BLTP2: variants seen among roughly 807,000 people sequenced by gnomAD.
BLTP2 encodes bridge-like lipid transfer protein family member 2, also known as U937-associated antigen.
chr17:28,629,428 T>C, the BLTP2 span, among the ~76,000 whole-genome samples: 1 of 152,006 alleles, frequency 6.6e-6, no homozygotes, highest in East Asian at 1.9e-4. Context: ...TACCTGGGGA[T>C]TACAGGTATG....
chr17:28,638,651 G>C, the BLTP2 span: 2 of 1,481,184 alleles, frequency 1.4e-6, no homozygotes, highest in African/African-American at 1.4e-5. Flanking sequence ...TTCTGCATAG[G>C]AACAAGACAT....
At chr17:28,623,777 G>A in the BLTP2 span, 23 of 1,613,944 alleles carry the variant, frequency 1.4e-5, no homozygotes, top group Non-Finnish European at 1.8e-5. Flanking sequence ...CAGAGCTGTC[G>A]GCCATCCTGC....
the BLTP2 span, among the ~76,000 whole-genome samples, chr17:28,630,613 T>C: frequency 6.6e-6 from 1 of 152,008 alleles, no homozygotes. Flanking sequence ...CCCAAGTAGC[T>C]GGAACTACGG....
the BLTP2 span, chr17:28,638,739 CAG>C: frequency 6.6e-6 from 5 of 754,636 alleles, no homozygotes; most frequent in East Asian, 1.2e-4. Context: ...AGTGAGAATT[CAG>C]AGTTTTATTG....
the BLTP2 span, among the ~76,000 whole-genome samples, chr17:28,630,792 C>A: frequency 5.3e-5 from 8 of 152,136 alleles, no homozygotes; most frequent in Non-Finnish European, 7.4e-5. Flanking sequence ...CCCTCCCCCA[C>A]TGTATTTTAA....
the BLTP2 span, chr17:28,632,861 A>C: frequency 9.4e-7 from 1 of 1,066,342 alleles, no homozygotes. Flanking sequence ...TCCCCTCCCC[A>C]GAGGGTCAAG....
At chr17:28,623,702 T>A in the BLTP2 span, 1 of 1,420,776 alleles carries the variant, frequency 7.0e-7, no homozygotes, top group African/African-American at 1.4e-5. Flanking sequence ...CTTCCAGCCA[T>A]TAGAAAGTCT....
chr17:28,638,513 G>A, the BLTP2 span: 4 of 1,602,682 alleles, frequency 2.5e-6, no homozygotes, highest in Non-Finnish European at 3.4e-6. Context: ...TATTCCATCT[G>A]AGAGCCTTAC....
the BLTP2 span, chr17:28,621,503 A>C: frequency 1.2e-6 from 2 of 1,611,218 alleles, no homozygotes; most frequent in Non-Finnish European, 1.7e-6. Context: ...CTTCACCTGA[A>C]GAAAGAGATG....
chr17:28,617,257 T>C, the BLTP2 span: 8 of 1,610,172 alleles, frequency 5.0e-6, no homozygotes, highest in Non-Finnish European at 6.8e-6. Flanking sequence ...GGGGAGGAGG[T>C]TGTTCATGGT....
At chr17:28,620,376 A>T in the BLTP2 span, 2 of 1,031,726 alleles carry the variant, frequency 1.9e-6, no homozygotes, top group African/African-American at 1.6e-5. Context: ...GTCACTGCCG[A>T]CTAAGAGAAT....
At chr17:28,633,530 GTA>G in the BLTP2 span, 1 of 1,612,480 alleles carries the variant, frequency 6.2e-7, no homozygotes, top group Non-Finnish European at 8.5e-7. Flanking sequence ...TAGGATAAAA[GTA>G]TCATGACACC....
At chr17:28,642,775 C>G in the BLTP2 span, 3 of 742,004 alleles carry the variant, frequency 4.0e-6, no homozygotes, top group African/African-American at 1.8e-5. Context: ...CCTCCAACTG[C>G]ACAGAATGAG....
chr17:28,632,033 G>T, the BLTP2 span: 1 of 1,610,298 alleles, frequency 6.2e-7, no homozygotes, highest in African/African-American at 1.3e-5. Flanking sequence ...TGTCAGCAGG[G>T]ACATCAGTGC....
At chr17:28,626,982 G>C in the BLTP2 span, among the ~76,000 whole-genome samples, 3 of 152,184 alleles carry the variant, frequency 2.0e-5, no homozygotes, top group African/African-American at 7.2e-5. Flanking sequence ...GAAGGAGAAG[G>C]GCGGGCTTAG....
At chr17:28,639,727 G>A in the BLTP2 span, 1 of 1,432,838 alleles carries the variant, frequency 7.0e-7, no homozygotes, top group Non-Finnish European at 9.8e-7. Context: ...CCGGCAAAGG[G>A]ATCAACAGAC....
At chr17:28,616,041 A>C in the BLTP2 span, 4 of 1,403,454 alleles carry the variant, frequency 2.9e-6, no homozygotes, top group Non-Finnish European at 4.0e-6. The surrounding 1 kb of genome is among the most constrained non-coding windows in gnomAD (Gnocchi z 4.8). Context: ...AGAATCTCTG[A>C]TCTTATCTGG....
chr17:28,633,561 C>T, the BLTP2 span: 1 of 1,614,030 alleles, frequency 6.2e-7, no homozygotes. Context: ...CAGTGGCCAG[C>T]TGGTGCAGGT....
chr17:28,621,439 C>A, the BLTP2 span: 7 of 1,614,104 alleles, frequency 4.3e-6, no homozygotes, highest in African/African-American at 8.0e-5. Flanking sequence ...CCTGCCCACT[C>A]TCCATCAGCT....
Sources: gnomAD v4.1 joint callset for allele counts (sites outside exome capture counted in the v4.1 genomes callset) on GRCh38, gnomAD v4.1.1 for gene constraint, Gnocchi (gnomAD v3.1) non-coding constraint, MANE v1.5 for transcripts, NCBI Gene and HGNC (gene_info 2026-07-23, HGNC 2026-07-21) for gene names.